The following LTF variants were observed in gnomAD, a reference collection of about 807,000 sequenced individuals.
LTF encodes epididymis luminal protein 110.
LTF carries 91 observed loss-of-function variants against 87.2 expected under a neutral mutation model. The observed-to-expected ratio is 1.04, with a 90% CI of 0.88 to 1.24. The LOEUF (loss-of-function observed/expected upper bound fraction) is 1.24, where lower values mean the gene tolerates loss of function less well. LTF is among the 50% of genes most tolerant of loss of function. LTF has a pLI of 0.00. For synonymous variants in LTF, 378 were observed against 356.1 expected, an observed-to-expected ratio of 1.06 and a Z score of -0.69; for missense variants, 901 against 904.3, an observed-to-expected ratio of 1.00 and a Z score of 0.05.
chr3:46,443,332 A>AC, intron 13 of LTF, 109 bp downstream of exon 13: 4 of 1,328,262 alleles, frequency 3.0e-6, no homozygotes, highest in East Asian at 2.3e-5. Flanking sequence ...CCACAGGATG[A>AC]CCCCCACTCT....
chr3:46,474,894 A>G (rs1703339574), intron 1 of LTF, among the ~76,000 whole-genome samples: 1 of 152,162 alleles, frequency 6.6e-6, no homozygotes, highest in African/African-American at 2.4e-5. Flanking sequence ...TTTTTCAAAT[A>G]CACTGAACTT....
intron 1 of LTF, among the ~76,000 whole-genome samples, chr3:46,475,203 C>CA (rs968983816): frequency 6.6e-6 from 1 of 151,886 alleles, no homozygotes; most frequent in East Asian, 1.9e-4. Context: ...CCAATTTCTC[C>CA]AAAAAAACAA....
chr3:46,468,170 G>A (rs1286534961), upstream of LTF: 3 of 456,724 alleles, frequency 6.6e-6, no homozygotes, highest in South Asian at 4.6e-5. Context: ...TTTGTAATGT[G>A]TTGGGTCTGA....
Position 46,460,129 on chromosome 3 carries a change from T to A in LTF, c.44-310A>T, listed in dbSNP as rs140099109. On this transcript the variant is annotated intron_variant, in intron 1 of 16. Transcript: ENST00000231751. ...AATGATGGTGATCCCCCAGATCAGT[T>A]ATGGAATTCTTCTACCAGCTTTGCC... 2.8e-3 allele frequency among the ~76,000 whole-genome samples: 420 copies of A among 152,342 alleles called. 5 individuals are homozygous for A. The highest frequency in any genetic ancestry group is 9.4e-3 in the African/African-American group (391 of 41,576).
At position 46,449,017 on chromosome 3, in the gene LTF, C is replaced by T. The variant is rs1254531925; in HGVS notation, c.1058G>A (p.Ser353Asn). ...YFTAIQNLRKSEEEVAARRAR... is the reference protein window; with the variant it reads ...YFTAIQNLRKNEEEVAARRAR... Reference sequence around the variant, plus strand: ...ACGCCGGGCAGCCACTTCCTCCTCACCTGCCAGAGGGAAGACCGCAGGTGG... The same window carrying T: ...ACGCCGGGCAGCCACTTCCTCCTCATCTGCCAGAGGGAAGACCGCAGGTGG... The change falls in exon 9 of 17, where the codon AGT becomes AAT. Residue 353 changes from serine to asparagine, a missense_variant and splice_region_variant. Physicochemically the swap from Ser to Asn is conservative, Grantham distance 46. Transcript: ENST00000231751. 1.2e-6 allele frequency: 2 copies of T among 1,605,986 alleles called. No homozygotes were observed. Among genetic ancestry groups the T allele is most frequent in the Non-Finnish European group, 1.7e-6 (2 of 1,176,868 alleles).
chr3:46,470,622 C>T (rs1294931317), intron 1 of LTF, among the ~76,000 whole-genome samples: 5 of 152,234 alleles, frequency 3.3e-5, no homozygotes, highest in African/African-American at 4.8e-5. Flanking sequence ...CTGACCAGTC[C>T]TCAAGCCTCA....
chr3:46,461,549 G>A (rs1703081082), intron 1 of LTF, among the ~76,000 whole-genome samples: 1 of 152,208 alleles, frequency 6.6e-6, no homozygotes, highest in Non-Finnish European at 1.5e-5. Flanking sequence ...CATGCTGTAT[G>A]ATTCCATTTG....
upstream of LTF, among the ~76,000 whole-genome samples, chr3:46,466,170 A>G (rs1001444759): frequency 6.6e-6 from 1 of 152,034 alleles, no homozygotes; most frequent in Non-Finnish European, 1.5e-5. Flanking sequence ...AGCCTGGGAG[A>G]TGAAGGTGGC....
intron 6 of LTF, among the ~76,000 whole-genome samples, chr3:46,452,873 G>A (rs1364447985): frequency 1.3e-5 from 2 of 152,166 alleles, no homozygotes; most frequent in Admixed American, 1.3e-4. Context: ...AAATAGATGA[G>A]GAAGGGGATC....
Position 46,448,986 on chromosome 3 carries a change from C to A in LTF, c.1089G>T (p.Arg363=), listed in dbSNP as rs746870088. 3.8e-5 allele frequency: 61 copies of A among 1,611,244 alleles called. No homozygotes were observed. The Middle Eastern group carries it at 5.0e-4, about 13-fold the overall frequency. The stretch of plus-strand genomic sequence containing the variant: ...GCTCGCCCACCGCACACCACACGAC[C>A]CGCGCACGCCGGGCAGCCACTTCCT... The part of the protein sequence containing the change: ...SEEEVAARRA[R]VVWCAVGEQE... Residue 363 remains arginine, a synonymous_variant, in exon 9 of 17, where the codon CGG becomes CGT. Coordinates refer to ENST00000231751, the MANE Select transcript of LTF (RefSeq NM_002343.6).
Position 46,482,665 on chromosome 3 carries a change from AAGGAAGGAAG to A in LTF, c.-320+2311_-320+2320del, listed in dbSNP as rs1559614848. Among the ~76,000 whole-genome samples the A allele has an allele frequency of 1.5e-3, 120 of 82,076 alleles. 2 individuals carry two copies. Among genetic ancestry groups the A allele is most frequent in the African/African-American group, 4.2e-3 (103 of 24,574 alleles). The allele number at this position is 82,076 out of a possible 152,430, so 53.8% of individuals were successfully genotyped here. On this transcript the variant is annotated intron_variant, in intron 1 of 19. Coordinates refer to the LTF transcript ENST00000443496. ...GAAAGAAAGAAAGAAAGAAAGAAGG[AAGGAAGGAAG>A]GAAGGAAGGAAGGAAGGAAGGAAGG...
At chr3:46,469,793 T>G (rs1323381464), upstream of LTF, among the ~76,000 whole-genome samples, 2 of 152,190 alleles carry the variant, frequency 1.3e-5, no homozygotes, top group East Asian at 1.9e-4. Context: ...TCTGGGCTCC[T>G]GGGAGCTTCC....
At chr3:46,464,697 A>G in intron 1 of LTF, 128 bp downstream of exon 1, 6 of 983,086 alleles carry the variant, frequency 6.1e-6, no homozygotes, top group South Asian at 4.3e-5. Context: ...TCCCGGCTGT[A>G]GGCGCTGGGA....
At chr3:46,478,356 A>G (rs952587072) in intron 1 of LTF, among the ~76,000 whole-genome samples, 3 of 152,126 alleles carry the variant, frequency 2.0e-5, no homozygotes, top group Non-Finnish European at 4.4e-5. Flanking sequence ...GCTACAAGGG[A>G]AGCTTTCCCA....
At chr3:46,448,643 A>C (rs1225336961) in intron 9 of LTF, among the ~76,000 whole-genome samples, 2 of 152,188 alleles carry the variant, frequency 1.3e-5, no homozygotes, top group African/African-American at 4.8e-5. Context: ...ATTCCTTATA[A>C]TAATCCTGAG....
intron 1 of LTF, chr3:46,463,363 C>T: frequency 1.4e-6 from 1 of 702,764 alleles, no homozygotes; most frequent in Non-Finnish European, 1.7e-6. Flanking sequence ...TGAGTGCCTC[C>T]CAGCCCATGG....
Position 46,464,874 on chromosome 3 carries a change from G to T in LTF, c.-7C>A, listed in dbSNP as rs1039219341. The T allele has an allele frequency of 3.1e-6, 5 of 1,613,838 alleles. No homozygotes were observed. The African/African-American group carries it at 5.3e-5, about 17-fold the overall frequency. On this transcript the variant is annotated 5_prime_UTR_variant, in exon 1 of 17. Coordinates refer to ENST00000231751, the MANE Select transcript of LTF (RefSeq NM_002343.6). Reference sequence around the variant, plus strand: ...CGAGGAAGACAAGTTTCATGTCTGCGGTCTGGAGGCGACTTGGCAAACGAA... The same window carrying T: ...CGAGGAAGACAAGTTTCATGTCTGCTGTCTGGAGGCGACTTGGCAAACGAA...
chr3:46,459,678 A>C lies in LTF; in HGVS notation c.185T>G (p.Ile62Ser). 6.5e-7 allele frequency: 1 copy of C among 1,545,196 alleles called. No individual in the cohort carries two copies. The highest frequency in any genetic ancestry group is 8.7e-7 in the Non-Finnish European group (1 of 1,148,882). Residue 62 changes from isoleucine to serine, a missense_variant, in exon 2 of 17, where the codon ATC becomes AGC. Coordinates refer to ENST00000231751, the MANE Select transcript of LTF (RefSeq NM_002343.6). ...PVSCIKRDSP[I>S]QCIQAIAENR... ...CACCGCAATGGCCTGGATACACTGG[A>C]TGGGGGAGTCTCTCTTTATGCAGCT... is the stretch of plus-strand genomic sequence containing the variant.
intron 1 of LTF, among the ~76,000 whole-genome samples, chr3:46,473,068 C>T (rs1703315740): frequency 6.6e-6 from 1 of 152,118 alleles, no homozygotes; most frequent in African/African-American, 2.4e-5. Context: ...CTGCCTGTTC[C>T]TTTCCATTCC....
Sources: gnomAD v4.1 joint callset for allele counts (sites outside exome capture counted in the v4.1 genomes callset) on GRCh38, gnomAD v4.1.1 for gene constraint, MANE v1.5 for transcripts, NCBI Gene and HGNC (gene_info 2026-07-23, HGNC 2026-07-21) for gene names.